ANK3: variants seen among roughly 807,000 people sequenced by gnomAD.
ANK3 encodes ankyrin-3.
In ANK3, 57 loss-of-function variants were observed where a neutral mutation model predicts 370.9. The ratio of observed to expected loss-of-function variants is 0.15; its 90% CI spans 0.12 to 0.19. The LOEUF (loss-of-function observed/expected upper bound fraction) is 0.19. ANK3 is among the 10% of genes least tolerant of loss of function. ANK3 has a pLI of 1.00. For synonymous variants in ANK3, 1,929 were observed against 1,946.3 expected, an observed-to-expected ratio of 0.99 and a Z score of 0.23; for missense variants, 4,439 against 5,302.1, an observed-to-expected ratio of 0.84 and a Z score of 5.06.
chr10:60,376,002 C>T (rs2060721870), intron 1 of ANK3, among the ~76,000 whole-genome samples: 1 of 152,154 alleles, frequency 6.6e-6, no homozygotes, highest in South Asian at 2.1e-4. Flanking sequence ...TTAATTTAGC[C>T]TTCATAGCGT....
chr10:60,445,549 A>AG (rs1323866879), intron 2 of ANK3, among the ~76,000 whole-genome samples: 1 of 145,456 alleles, frequency 6.9e-6, no homozygotes, highest in African/African-American at 2.5e-5. Flanking sequence ...TCTTCTACTA[A>AG]AAAAAAAAAA....
intron 21 of ANK3, among the ~76,000 whole-genome samples, chr10:60,168,171 G>A (rs193192774): frequency 6.6e-6 from 1 of 152,022 alleles, no homozygotes; most frequent in Admixed American, 6.6e-5. Flanking sequence ...GATTACAGAC[G>A]TGCATGGCCA....
At chr10:60,204,639 T>A (rs1483295419) in intron 11 of ANK3, among the ~76,000 whole-genome samples, 2 of 152,178 alleles carry the variant, frequency 1.3e-5, no homozygotes, top group African/African-American at 2.4e-5. Flanking sequence ...TAGTTAAGCA[T>A]CAGGCATTCA....
At chr10:60,114,376 A>G in intron 25 of ANK3, 45 bp from the exon 26 acceptor site, 1 of 1,074,434 alleles carries the variant, frequency 9.3e-7, no homozygotes, top group Non-Finnish European at 1.4e-6. Flanking sequence ...CAAACCATAC[A>G]AGACTGATTT....
chr10:60,559,345 T>C (rs2077282831), intron 2 of ANK3, among the ~76,000 whole-genome samples: 2 of 152,176 alleles, frequency 1.3e-5, no homozygotes, highest in South Asian at 2.1e-4. Flanking sequence ...CTTCCACTTA[T>C]GAGTGAGAAC....
intron 40 of ANK3, 199 bp from the exon 41 acceptor site, chr10:60,059,629 T>G (rs925542247): frequency 4.2e-5 from 63 of 1,512,790 alleles, no homozygotes; most frequent in Middle Eastern, 3.5e-4. Context: ...ACTCCTAGTT[T>G]TCTAGGCTCT....
At chr10:60,193,535 GTCTCATCTA>G (rs1447543591) in intron 16 of ANK3, among the ~76,000 whole-genome samples, 15 of 151,686 alleles carry the variant, frequency 9.9e-5, no homozygotes, top group African/African-American at 3.6e-4. Context: ...CATGCCTGTA[GTCTCATCTA>G]TTTGGGAGGC....
chr10:60,258,431 G>A (rs2097765157), intron 7 of ANK3, among the ~76,000 whole-genome samples: 1 of 152,122 alleles, frequency 6.6e-6, no homozygotes, highest in African/African-American at 2.4e-5. Flanking sequence ...TGAAGGAAAG[G>A]TGTTATTGAA....
chr10:60,134,260 A>C lies in ANK3; in HGVS notation c.2841+11T>G. On this transcript the variant is annotated intron_variant, in intron 25 of 43. Coordinates refer to ENST00000280772, the MANE Select transcript of ANK3 (RefSeq NM_020987.5). Reference sequence around the variant, plus strand: ...TTAATGGTCAAAGGCTATTTTGAAAAGAATGCATACCTGCTCTTTGGATGG... The same window carrying C: ...TTAATGGTCAAAGGCTATTTTGAAACGAATGCATACCTGCTCTTTGGATGG... 1 of 1,606,710 alleles carries C rather than the reference A, an allele frequency of 6.2e-7. No individual in the cohort carries two copies. Among genetic ancestry groups the C allele is most frequent in the Non-Finnish European group, 8.5e-7 (1 of 1,175,272 alleles).
chr10:60,055,664 C>T lies in ANK3; in HGVS notation c.13059G>A (p.Glu4353=). The change falls in exon 42 of 44, where the codon GAG becomes GAA. Residue 4353 remains glutamate (E), a synonymous_variant. Transcript: ENST00000280772. The part of the protein sequence containing the change: ...LHEEEGSSGS[E]QKQGEGFKVK... ...GGATGACCAGATGACGTACCTTTTG[C>T]TCAGACCCACTGGACCCCTCTTCTT... The T allele has an allele frequency of 1.2e-6, 2 of 1,607,042 alleles. No individual in the cohort carries two copies. Among genetic ancestry groups the T allele is most frequent in the Non-Finnish European group, 1.7e-6 (2 of 1,177,788 alleles).
intron 2 of ANK3, among the ~76,000 whole-genome samples, chr10:60,509,047 C>T (rs931274663): frequency 2.6e-5 from 4 of 152,038 alleles, no homozygotes; most frequent in Non-Finnish European, 5.9e-5. Context: ...TGGGAGTTTG[C>T]CAATGTAGTT....
intron 38 of ANK3, among the ~76,000 whole-genome samples, chr10:60,067,570 G>T (rs2081904555): frequency 6.6e-6 from 1 of 152,186 alleles, no homozygotes; most frequent in African/African-American, 2.4e-5. Context: ...CCATGTGAAA[G>T]AATTTTGATT....
intron 16 of ANK3, 52 bp downstream of exon 16, chr10:60,196,093 A>C (rs367799041): frequency 4.8e-4 from 712 of 1,492,900 alleles, no homozygotes; most frequent in Non-Finnish European, 6.5e-4. Flanking sequence ...GTGCAGATAG[A>C]GACTGATAGA....
chr10:60,572,727 T>G (rs2133269268), intron 2 of ANK3: 1 of 1,371,678 alleles, frequency 7.3e-7, no homozygotes, highest in South Asian at 2.0e-5. Flanking sequence ...TCAGCTTTCC[T>G]CAGGAAGAAA....
At chr10:60,348,367 A>G (rs75502794) in intron 1 of ANK3, among the ~76,000 whole-genome samples, 1 of 126,228 alleles carries the variant, frequency 7.9e-6, no homozygotes, top group Non-Finnish European at 1.6e-5. Context: ...AAAAAAAAAA[A>G]AAACACAAAA....
At chr10:60,104,230 CT>C (rs2091794489) in intron 28 of ANK3, among the ~76,000 whole-genome samples, 1 of 151,396 alleles carries the variant, frequency 6.6e-6, no homozygotes, top group Non-Finnish European at 1.5e-5. Flanking sequence ...GAGTTTGGCA[CT>C]CAATCTCTCT....
At chr10:60,528,504 T>G (rs1370226477) in intron 2 of ANK3, among the ~76,000 whole-genome samples, 1 of 152,160 alleles carries the variant, frequency 6.6e-6, no homozygotes, top group Non-Finnish European at 1.5e-5. Context: ...CATAATTACA[T>G]TAGGTTGAAC....
chr10:60,082,428 A>T, intron 34 of ANK3, 187 bp downstream of exon 34: 2 of 801,840 alleles, frequency 2.5e-6, no homozygotes, highest in Non-Finnish European at 3.8e-6. Flanking sequence ...AACAGAGAAG[A>T]CTCCATCATA....
chr10:60,424,509 C>A (rs568874080), intron 2 of ANK3, among the ~76,000 whole-genome samples: 2 of 151,942 alleles, frequency 1.3e-5, no homozygotes, highest in African/African-American at 4.8e-5. Context: ...GTCAATTACA[C>A]CAAACATTTT....
Sources: gnomAD v4.1 joint callset for allele counts (sites outside exome capture counted in the v4.1 genomes callset) on GRCh38, gnomAD v4.1.1 for gene constraint, MANE v1.5 for transcripts, NCBI Gene and HGNC (gene_info 2026-07-23, HGNC 2026-07-21) for gene names.